Variants in CD244 observed in about 807,000 individuals in gnomAD.
CD244 encodes the protein CD244 molecule.
A neutral mutation model predicts 45.5 loss-of-function variants in CD244; 20 were observed. That is an observed-to-expected ratio of 0.44 (90% CI 0.31 to 0.64). CD244 has a LOEUF of 0.64. CD244 is among the 30% of genes least tolerant of loss of function. The pLI is 0.08. For synonymous variants in CD244, 185 were observed against 160.5 expected (o/e 1.15, Z -1.15); for missense variants, 407 against 426.9 (o/e 0.95, Z 0.41).
chr1:160,835,094 T>C (rs1277555322), intron 6 of CD244, among the ~76,000 whole-genome samples: 2 of 151,706 alleles, frequency 1.3e-5, no homozygotes, highest in South Asian at 2.1e-4. Context: ...GCTCAATTTT[T>C]TTTTTCTTTT....
chr1:160,852,655 C>G (rs947773948), intron 1 of CD244, among the ~76,000 whole-genome samples: 7 of 152,192 alleles, frequency 4.6e-5, no homozygotes, highest in Non-Finnish European at 7.3e-5. Context: ...GGTACCAGCA[C>G]TTTGGAAAAC....
chr1:160,836,167 G>T, intron 6 of CD244, 28 bp downstream of exon 6: 1 of 1,572,212 alleles, frequency 6.4e-7, no homozygotes. Context: ...GATAGGTATG[G>T]AATGGACTAG....
intron 1 of CD244, among the ~76,000 whole-genome samples, chr1:160,853,782 TAAAAAAAAAAAA>T (rs5778184): frequency 9.5e-5 from 9 of 94,724 alleles, no homozygotes; most frequent in Admixed American, 4.6e-4. Context: ...AGACCCTGCC[TAAAAAAAAAAAA>T]AAAAAAAAAA....
chr1:160,838,413 G>A, intron 5 of CD244, 38 bp downstream of exon 5: 4 of 1,475,092 alleles, frequency 2.7e-6, no homozygotes, highest in Non-Finnish European at 3.8e-6. Flanking sequence ...CATTTTCCAA[G>A]CCAGCTGAGA....
intron 1 of CD244, among the ~76,000 whole-genome samples, chr1:160,854,406 A>G (rs1194072708): frequency 3.3e-5 from 5 of 152,160 alleles, no homozygotes; most frequent in Non-Finnish European, 5.9e-5. Flanking sequence ...GTTTTAAGAC[A>G]GAGTCTCGCT....
At chr1:160,855,508 A>G (rs750429450) in intron 1 of CD244, among the ~76,000 whole-genome samples, 4 of 152,172 alleles carry the variant, frequency 2.6e-5, no homozygotes, top group Non-Finnish European at 5.9e-5. Flanking sequence ...GGGTATTGTG[A>G]CTGATACAGA....
intron 1 of CD244, among the ~76,000 whole-genome samples, chr1:160,857,219 A>C (rs1483092974): frequency 6.6e-6 from 1 of 152,184 alleles, no homozygotes; most frequent in African/African-American, 2.4e-5. Context: ...TGGAACTCTC[A>C]TGCACTATTT....
intron 3 of CD244, among the ~76,000 whole-genome samples, chr1:160,840,985 G>T (rs1250465471): frequency 6.6e-6 from 1 of 152,210 alleles, no homozygotes; most frequent in African/African-American, 2.4e-5. Context: ...AGAAAAGCTT[G>T]CATCTCCCAG....
Position 160,841,599 on chromosome 1 carries a change from G to A in CD244, c.364C>T (p.Gln122Ter). The change falls in exon 2 of 9, where the codon CAG becomes TAG. Residue 122 changes from glutamine (Q) to a stop codon, truncating the protein, a stop_gained. Transcript: ENST00000368034. LOFTEE classifies it high-confidence loss of function. ...ISGKVQTATF[Q>*]VFVFDKVEKP... Reference sequence around the variant, plus strand: ...GGAGACTTACCAAATACAAAAACCTGGAACGTGGCTGTCTGAACTTTTCCA... The same window carrying A: ...GGAGACTTACCAAATACAAAAACCTAGAACGTGGCTGTCTGAACTTTTCCA... 6.2e-7 allele frequency: 1 copy of A among 1,614,012 alleles called. No individual in the cohort carries two copies. Among genetic ancestry groups the A allele is most frequent in the Non-Finnish European group, 8.5e-7 (1 of 1,179,986 alleles).
At chr1:160,848,061 A>C (rs1669795570) in intron 1 of CD244, 1 of 363,360 alleles carries the variant, frequency 2.8e-6, no homozygotes, top group Non-Finnish European at 5.4e-6. Context: ...GAACCCTTGG[A>C]CCGTGTCTCC....
chr1:160,838,150 A>G (rs1669396873), intron 5 of CD244, among the ~76,000 whole-genome samples: 1 of 152,246 alleles, frequency 6.6e-6, no homozygotes, highest in South Asian at 2.1e-4. Flanking sequence ...AACAAATACC[A>G]CAGCAGCACT....
intron 1 of CD244, among the ~76,000 whole-genome samples, chr1:160,858,926 C>T (rs879422319): frequency 2.0e-5 from 3 of 152,038 alleles, no homozygotes; most frequent in Admixed American, 6.5e-5. Context: ...GAGGAGACAA[C>T]GGTGAGCAAA....
intron 1 of CD244, among the ~76,000 whole-genome samples, chr1:160,859,076 G>A (rs1055142196): frequency 3.3e-5 from 5 of 152,168 alleles, no homozygotes; most frequent in African/African-American, 9.7e-5. Flanking sequence ...TAAGTGGAGA[G>A]AGAGCTAAGA....
intron 1 of CD244, 149 bp downstream of exon 1, chr1:160,862,468 A>G (rs1557848695): frequency 1.5e-6 from 1 of 653,898 alleles, no homozygotes. Context: ...GTCCTGTCTG[A>G]TTTAGACTGT....
intron 1 of CD244, among the ~76,000 whole-genome samples, chr1:160,851,715 G>A (rs1402713893): frequency 1.3e-5 from 2 of 151,732 alleles, no homozygotes; most frequent in African/African-American, 4.8e-5. Context: ...GCTAATTTTT[G>A]CATTTTTGGT....
Position 160,841,808 on chromosome 1 carries a change from G to A in CD244, c.155C>T (p.Ala52Val), listed in dbSNP as rs200689178. Residue 52 changes from alanine to valine, a missense_variant, in exon 2 of 9, where the codon GCA becomes GTA. Physicochemically the swap from Ala to Val is moderately conservative, Grantham distance 64. Coordinates refer to ENST00000368034, the MANE Select transcript of CD244 (RefSeq NM_016382.4). ...NSIQTKVDSI[A>V]WKKLLPSQNG... The stretch of plus-strand genomic sequence containing the variant: ...TTGTGAGGGCAGCAACTTCTTCCAT[G>A]CAATGCTGTCAACCTTCGTCTGTAT... 12 of 1,614,144 alleles carry A rather than the reference G, an allele frequency of 7.4e-6. No individual in the cohort carries two copies. The highest frequency in any genetic ancestry group is 9.3e-6 in the Non-Finnish European group (11 of 1,179,990).
chr1:160,842,892 A>G (rs1571100753), intron 1 of CD244, among the ~76,000 whole-genome samples: 1 of 152,340 alleles, frequency 6.6e-6, no homozygotes, highest in African/African-American at 2.4e-5. Flanking sequence ...AGCCATTTTT[A>G]GTAATAAAGC....
At chr1:160,850,674 A>C (rs929582061) in intron 1 of CD244, among the ~76,000 whole-genome samples, 17 of 152,158 alleles carry the variant, frequency 1.1e-4, no homozygotes, top group African/African-American at 4.1e-4. Flanking sequence ...TGTGGGAAAA[A>C]CACTAACTGT....
chr1:160,834,560 C>A (rs928740513), intron 6 of CD244, among the ~76,000 whole-genome samples: 3 of 152,152 alleles, frequency 2.0e-5, no homozygotes, highest in African/African-American at 4.8e-5. Flanking sequence ...ACCATGTGGG[C>A]CAGGCTGGTC....
Sources: allele counts gnomAD v4.1 joint callset (sites outside exome capture counted in the v4.1 genomes callset), GRCh38; gene constraint gnomAD v4.1.1; transcripts MANE v1.5; gene names NCBI Gene and HGNC (gene_info 2026-07-23, HGNC 2026-07-21).